The following SGCD variants were observed in gnomAD, a reference collection of about 807,000 sequenced individuals.
The protein encoded by SGCD is sarcoglycan delta.
SGCD carries 18 observed loss-of-function variants against 36.6 expected under a neutral mutation model. The observed-to-expected ratio is 0.49, with a 90% CI of 0.34 to 0.73. The LOEUF is 0.73. Ranked by LOEUF, SGCD falls within the 30% of genes least tolerant of loss-of-function variation. The pLI is 0.01. For missense variants in SGCD, 387 were observed against 346.7 expected (o/e 1.12, Z -0.92); for synonymous variants, 133 against 130.6 (o/e 1.02, Z -0.12).
At position 156,134,443 on chromosome 5, in the gene SGCD, G is replaced by A. The variant is rs575399086; in HGVS notation, c.-44+10424G>A. 3.9e-5 allele frequency among the ~76,000 whole-genome samples: 6 copies of A among 152,110 alleles called. No homozygotes were observed. In the South Asian group the frequency reaches 8.3e-4, roughly 21 times the overall value. On this transcript the variant is annotated intron_variant, in intron 3 of 9. Coordinates refer to the SGCD transcript ENST00000517913. ...CATTCCCCTCTCTTCTCTTCCCCCA[G>A]TCTTTCCACCAGCTTCAGTGAATGT...
chr5:155,801,540 T>C, the SGCD span, among the ~76,000 whole-genome samples: 1 of 152,202 alleles, frequency 6.6e-6, no homozygotes, highest in Non-Finnish European at 1.5e-5. Context: ...GGGACTTCAA[T>C]AGATTCTGAG....
At chr5:156,100,403 G>A (rs1475499427) in intron 1 of SGCD, among the ~76,000 whole-genome samples, 5 of 152,168 alleles carry the variant, frequency 3.3e-5, no homozygotes, top group African/African-American at 9.7e-5. Flanking sequence ...ATGAGATGAG[G>A]AATATGTTGA....
intron 3 of SGCD, among the ~76,000 whole-genome samples, chr5:156,356,521 A>C (rs555718126): frequency 1.3e-5 from 2 of 152,320 alleles, no homozygotes; most frequent in East Asian, 1.9e-4. Context: ...CAGAAGTCAG[A>C]TTGCATCACT....
At chr5:156,027,977 G>A (rs954233494) in intron 1 of SGCD, among the ~76,000 whole-genome samples, 1 of 152,112 alleles carries the variant, frequency 6.6e-6, no homozygotes, top group Non-Finnish European at 1.5e-5. Context: ...AAAAAGGGTG[G>A]ACTCTGTGTG....
At chr5:155,779,138 G>A in the SGCD span, among the ~76,000 whole-genome samples, 1 of 151,972 alleles carries the variant, frequency 6.6e-6, no homozygotes, top group Non-Finnish European at 1.5e-5. Context: ...GTCAAAACTT[G>A]AGCACTGGTT....
chr5:156,554,921 G>A (rs182553319), intron 4 of SGCD, among the ~76,000 whole-genome samples: 357 of 152,164 alleles, frequency 2.3e-3, no homozygotes, highest in Non-Finnish European at 3.6e-3. Flanking sequence ...TTCCATTACA[G>A]CCGTCACAGT....
At chr5:156,131,939 T>C (rs1762333801) in intron 3 of SGCD, among the ~76,000 whole-genome samples, 1 of 152,244 alleles carries the variant, frequency 6.6e-6, no homozygotes, top group Admixed American at 6.5e-5. Context: ...GTCTTTATTT[T>C]ATCTGTAGCT....
intron 1 of SGCD, among the ~76,000 whole-genome samples, chr5:155,985,187 A>G (rs764089347): frequency 6.6e-6 from 1 of 152,208 alleles, no homozygotes; most frequent in Non-Finnish European, 1.5e-5. Flanking sequence ...AAGTCTGGGC[A>G]TAGGATGGTT....
At chr5:155,853,499 C>G in the SGCD span, among the ~76,000 whole-genome samples, 1 of 152,104 alleles carries the variant, frequency 6.6e-6, no homozygotes, top group Non-Finnish European at 1.5e-5. Flanking sequence ...CTTTACCTTT[C>G]AATAGTTAGG....
At chr5:155,835,025 T>TTTTTTTTA in the SGCD span, among the ~76,000 whole-genome samples, 4 of 140,132 alleles carry the variant, frequency 2.9e-5, no homozygotes, top group African/African-American at 8.3e-5. Flanking sequence ...TTTTTTTTTT[T>TTTTTTTTA]GAGACAGAGT....
At chr5:156,261,364 C>T (rs1765858119) in intron 3 of SGCD, among the ~76,000 whole-genome samples, 1 of 152,126 alleles carries the variant, frequency 6.6e-6, no homozygotes, top group Non-Finnish European at 1.5e-5. Context: ...AATACAGACA[C>T]ACACCACACA....
At chr5:156,211,435 G>C (rs1581170576) in intron 3 of SGCD, among the ~76,000 whole-genome samples, 1 of 151,872 alleles carries the variant, frequency 6.6e-6, no homozygotes, top group Admixed American at 6.6e-5. Context: ...GTGAAACCCC[G>C]TCTCTACTAA....
the SGCD span, among the ~76,000 whole-genome samples, chr5:155,798,592 A>G: frequency 6.6e-6 from 1 of 152,302 alleles, no homozygotes; most frequent in East Asian, 1.9e-4. Context: ...ATATTACTAA[A>G]TTGCCCTCCT....
At chr5:155,881,323 T>TAAATAAATAAATAAATAAATAAATAAAG (rs942789932) in intron 1 of SGCD, among the ~76,000 whole-genome samples, 1 of 151,400 alleles carries the variant, frequency 6.6e-6, no homozygotes, top group Non-Finnish European at 1.5e-5. Flanking sequence ...AATAAATAAA[T>TAAATAAATAAATAAATAAATAAATAAAG]AAAGAATATA....
intron 1 of SGCD, among the ~76,000 whole-genome samples, chr5:156,061,130 T>C (rs1760195101): frequency 6.8e-6 from 1 of 146,180 alleles, no homozygotes; most frequent in South Asian, 2.1e-4. Flanking sequence ...AGAGACGTTA[T>C]TAATGAGTCT....
At chr5:156,032,046 A>G (rs887035460) in intron 1 of SGCD, among the ~76,000 whole-genome samples, 1 of 152,190 alleles carries the variant, frequency 6.6e-6, no homozygotes, top group Admixed American at 6.5e-5. Context: ...CTGCTTACAT[A>G]TCAGTGTGTA....
chr5:155,900,760 C>A (rs1756371915), intron 1 of SGCD, among the ~76,000 whole-genome samples: 1 of 151,760 alleles, frequency 6.6e-6, no homozygotes, highest in Admixed American at 6.6e-5. Context: ...AGTATATAAT[C>A]CTTTGAAAAT....
At chr5:155,865,916 C>T (rs1755515249), upstream of SGCD, among the ~76,000 whole-genome samples, 1 of 152,164 alleles carries the variant, frequency 6.6e-6, no homozygotes, top group Non-Finnish European at 1.5e-5. Context: ...TCTCTTCTTT[C>T]ATTTTCAAGA....
At chr5:156,526,096 T>A (rs1349902377) in intron 4 of SGCD, among the ~76,000 whole-genome samples, 1 of 152,196 alleles carries the variant, frequency 6.6e-6, no homozygotes, top group Non-Finnish European at 1.5e-5. Context: ...TGTCTTAGAA[T>A]TTCTGGAGTC....
Sources: gnomAD v4.1 joint callset for allele counts (sites outside exome capture counted in the v4.1 genomes callset) on GRCh38, gnomAD v4.1.1 for gene constraint, MANE v1.5 for transcripts, NCBI Gene and HGNC (gene_info 2026-07-23, HGNC 2026-07-21) for gene names.